PRDM6: variants seen among roughly 807,000 people sequenced by gnomAD.
The protein encoded by PRDM6 is putative histone-lysine N-methyltransferase PRDM6.
In PRDM6, 25 loss-of-function variants were observed where a neutral mutation model predicts 60.8. That is an observed-to-expected ratio of 0.41 (90% confidence interval 0.30 to 0.57). PRDM6 has a LOEUF of 0.57. Among genes scored for constraint, PRDM6 ranks in the 20% least tolerant of loss-of-function variants. The pLI is 0.27. For missense variants in PRDM6, 839 were observed against 821.3 expected (o/e 1.02, Z -0.26); for synonymous variants, 407 against 357.4 (o/e 1.14, Z -1.57).
chr5:123,146,722 A>G (rs58538981), intron 3 of PRDM6, among the ~76,000 whole-genome samples: 3,013 of 152,280 alleles, frequency 0.02, 94 homozygotes, highest in African/African-American at 0.069. Flanking sequence ...TCTGATGCCA[A>G]GGGCTGAGGT....
At chr5:123,168,472 G>C (rs1002559936) in intron 5 of PRDM6, among the ~76,000 whole-genome samples, 7 of 152,136 alleles carry the variant, frequency 4.6e-5, no homozygotes, top group African/African-American at 1.7e-4. Context: ...TGTGACCCAG[G>C]GTAAGTTACT....
intron 3 of PRDM6, among the ~76,000 whole-genome samples, chr5:123,104,357 A>G (rs996550229): frequency 1.3e-5 from 2 of 152,130 alleles, no homozygotes; most frequent in Non-Finnish European, 2.9e-5. Flanking sequence ...TACTATACCC[A>G]CTTATATGTA....
intron 7 of PRDM6, among the ~76,000 whole-genome samples, chr5:123,183,362 C>T (rs1766209869): frequency 6.6e-6 from 1 of 152,208 alleles, no homozygotes; most frequent in African/African-American, 2.4e-5. Context: ...CCCTTTACAA[C>T]TTCTAAAATC....
At chr5:123,148,068 A>G (rs1277565990) in intron 3 of PRDM6, among the ~76,000 whole-genome samples, 1 of 152,222 alleles carries the variant, frequency 6.6e-6, no homozygotes, top group Non-Finnish European at 1.5e-5. Context: ...AGGCTTTGCA[A>G]ACAACACCAC....
At position 123,191,004 on chromosome 5, in the gene PRDM6, C is replaced by G. The variant is rs1162310751; in HGVS notation, c.*3803C>G. On this transcript the variant is annotated 3_prime_UTR_variant, in exon 8 of 8. Transcript: ENST00000407847. ...TTGCAAAACAAGTTAAGATGCACAA[C>G]TTGGTTGTCTTTGCTTAACTCACTG... 1.3e-5 allele frequency: 2 copies of G among 152,146 alleles called. No homozygotes were observed. The highest frequency in any genetic ancestry group is 3.2e-3 in the Middle Eastern group (1 of 316). The allele number at this position is 152,146 out of a possible 1,614,324, so 9.4% of individuals were successfully genotyped here.
In PRDM6 at chr5:123,193,749, A is replaced by T. The variant is rs1445579593; in HGVS notation, c.*6548A>T. On this transcript the variant is annotated 3_prime_UTR_variant, in exon 8 of 8. Coordinates refer to ENST00000407847, the MANE Select transcript of PRDM6 (RefSeq NM_001136239.4). ...AAGACATCCAGTTCTGTAGGATGCTAATAGAAGTGTGATATTTAGATGCTA... is the reference window on the plus strand; with the variant it reads ...AAGACATCCAGTTCTGTAGGATGCTTATAGAAGTGTGATATTTAGATGCTA... 2 of 152,194 alleles carry T rather than the reference A, an allele frequency of 1.3e-5. No homozygotes were observed. Among genetic ancestry groups the T allele is most frequent in the Non-Finnish European group, 2.9e-5 (2 of 68,042 alleles). The allele number at this position is 152,194 out of a possible 1,614,324, so 9.4% of individuals were successfully genotyped here. A position where few individuals can be genotyped will look rare whatever the true frequency, so the allele number is the denominator to read the frequency against.
At position 123,155,888 on chromosome 5, in the gene PRDM6, A is replaced by G. The variant is rs1484644501; in HGVS notation, c.905A>G (p.Tyr302Cys). 1.9e-6 allele frequency: 3 copies of G among 1,550,898 alleles called. No individual in the cohort carries two copies. Among genetic ancestry groups the G allele is most frequent in the Non-Finnish European group, 2.6e-6 (3 of 1,146,680 alleles). The change falls in exon 4 of 8, where the codon TAT (tyrosine) becomes TGT (cysteine). Residue 302 changes from tyrosine (Y) to cysteine (C), a missense_variant. Tyr to Cys is a radical substitution (Grantham distance 194). Around this residue, in one of 2 missense-constraint regions of PRDM6, gnomAD observed 730 missense variants for 648.8 expected, o/e 1.13. Transcript: ENST00000407847. ...ACCTTCTGACCTCTTCTCCAGATAT[A>G]TGACCAGGATGGGACACTACAGCAC... The part of the protein sequence containing the change: ...VRNTQHLWEI[Y>C]DQDGTLQHFI...
intron 3 of PRDM6, among the ~76,000 whole-genome samples, chr5:123,127,682 T>G (rs1274948663): frequency 2.6e-5 from 4 of 151,916 alleles, no homozygotes; most frequent in Admixed American, 6.6e-5. Flanking sequence ...ATTTCTTCTT[T>G]CTTTCTTTTC....
At chr5:123,098,181 C>T (rs1253060471) in intron 2 of PRDM6, among the ~76,000 whole-genome samples, 1 of 152,248 alleles carries the variant, frequency 6.6e-6, no homozygotes, top group African/African-American at 2.4e-5. Context: ...ACAGGCCTGG[C>T]TGCGGCCAAG....
chr5:123,108,236 A>G (rs1764238536), intron 3 of PRDM6, among the ~76,000 whole-genome samples: 2 of 152,206 alleles, frequency 1.3e-5, no homozygotes, highest in African/African-American at 4.8e-5. Flanking sequence ...TATCTTCTAT[A>G]GAAACATCCA....
In PRDM6 at chr5:123,187,265, C is replaced by A; in HGVS notation, c.*64C>A. On this transcript the variant is annotated 3_prime_UTR_variant, in exon 8 of 8. Transcript: ENST00000407847. ...TGATTAAATGTCACGGACACTTAAG[C>A]AAAACCAAAGATTTCCTCTGAGCAA... 7.7e-7 allele frequency: 1 copy of A among 1,297,342 alleles called. No homozygotes were observed. Among genetic ancestry groups the A allele is most frequent in the Non-Finnish European group, 1.1e-6 (1 of 920,072 alleles). 80.4% of individuals were successfully genotyped at this position (1,297,342 alleles called of 1,614,324 possible).
At chr5:123,098,391 G>A (rs1764008413) in intron 2 of PRDM6, among the ~76,000 whole-genome samples, 1 of 152,250 alleles carries the variant, frequency 6.6e-6, no homozygotes, top group Non-Finnish European at 1.5e-5. Flanking sequence ...CGCGCCGGCG[G>A]GCGCCGAGGC....
intron 1 of PRDM6, 136 bp downstream of exon 1, chr5:123,089,655 C>T (rs1053569442): frequency 6.5e-5 from 16 of 245,808 alleles, no homozygotes; most frequent in Non-Finnish European, 1.0e-4. Flanking sequence ...GGCGCTGCGC[C>T]ACGCCGGCTC....
At chr5:123,152,642 TATC>T (rs1448833775) in intron 3 of PRDM6, among the ~76,000 whole-genome samples, 2 of 152,190 alleles carry the variant, frequency 1.3e-5, no homozygotes, top group East Asian at 3.9e-4. Flanking sequence ...TTATTGTTGT[TATC>T]ATAAGCTGGC....
intron 2 of PRDM6, among the ~76,000 whole-genome samples, chr5:123,094,022 G>C (rs540898307): frequency 2.6e-5 from 4 of 152,160 alleles, no homozygotes; most frequent in African/African-American, 9.6e-5. Flanking sequence ...CAGGGAACAG[G>C]CTGGAAACAG....
At chr5:123,143,637 G>T (rs529578997) in intron 3 of PRDM6, among the ~76,000 whole-genome samples, 1 of 152,250 alleles carries the variant, frequency 6.6e-6, no homozygotes, top group African/African-American at 2.4e-5. Context: ...TGGTGTCCCA[G>T]TGCTGGCTGC....
chr5:123,184,964 C>T (rs1488630201), intron 7 of PRDM6, among the ~76,000 whole-genome samples: 1 of 152,118 alleles, frequency 6.6e-6, no homozygotes, highest in East Asian at 1.9e-4. Context: ...GCAGATGGCT[C>T]TAGAAATGAT....
At chr5:123,163,920 T>C (rs927918990) in intron 5 of PRDM6, among the ~76,000 whole-genome samples, 31 of 152,064 alleles carry the variant, frequency 2.0e-4, no homozygotes, top group African/African-American at 7.0e-4. Flanking sequence ...TTTCTTTTGA[T>C]TTTAAAGAGC....
In PRDM6 at chr5:123,142,877, C is replaced by CAAAAAAA; in HGVS notation, c.901-12988_901-12982dup. ...TTCAAAATGAAAGCACAGTGAAGAC[C>CAAAAAAA]AAAAAAAAAAAAAAAAAAAAAAAAA... is the stretch of plus-strand genomic sequence containing the variant. On this transcript the variant is annotated intron_variant, in intron 3 of 7. Transcript: ENST00000407847. Among the ~76,000 whole-genome samples the CAAAAAAA allele has an allele frequency of 6.5e-3, 177 of 27,318 alleles. 1 individual carries two copies. Among genetic ancestry groups the CAAAAAAA allele is most frequent in the Middle Eastern group, 0.045 (1 of 22 alleles). 17.9% of individuals were successfully genotyped at this position (27,318 alleles called of 152,430 possible).
Sources: allele counts gnomAD v4.1 joint callset (sites outside exome capture counted in the v4.1 genomes callset), GRCh38; gene constraint gnomAD v4.1.1; regional missense constraint gnomAD v4.1.1; transcripts MANE v1.5; gene names NCBI Gene and HGNC (gene_info 2026-07-23, HGNC 2026-07-21).